TTC29: variants seen among roughly 807,000 people sequenced by gnomAD.
TTC29 encodes the protein tetratricopeptide repeat domain 29, also known as tetratricopeptide repeat protein 29.
A neutral mutation model predicts 58.1 loss-of-function variants in TTC29; 49 were observed. The observed-to-expected ratio is 0.84, with a 90% CI of 0.67 to 1.07. The LOEUF (loss-of-function observed/expected upper bound fraction) is 1.07, where lower values mean the gene tolerates loss of function less well. TTC29 is among the 50% of genes least tolerant of loss of function. The pLI, the probability that TTC29 is intolerant of heterozygous loss-of-function variation, is 0.00. For missense variants in TTC29, 582 were observed against 555.6 expected (o/e 1.05, Z -0.48); for synonymous variants, 209 against 196.8 (o/e 1.06, Z -0.52).
At chr4:146,799,891 G>A (rs1304462152) in intron 11 of TTC29, among the ~76,000 whole-genome samples, 2 of 152,174 alleles carry the variant, frequency 1.3e-5, no homozygotes, top group African/African-American at 4.8e-5. Flanking sequence ...CAAAAGGCCA[G>A]ATGAATGAGC....
intron 6 of TTC29, among the ~76,000 whole-genome samples, chr4:146,880,893 T>C (rs1731580519): frequency 6.6e-6 from 1 of 151,770 alleles, no homozygotes; most frequent in Non-Finnish European, 1.5e-5. Flanking sequence ...CATGATTGAG[T>C]GCATTAAAAT....
intron 2 of TTC29, among the ~76,000 whole-genome samples, 189 bp from the exon 3 acceptor site, chr4:146,940,090 T>G (rs1736232553): frequency 6.6e-6 from 1 of 152,200 alleles, no homozygotes; most frequent in Non-Finnish European, 1.5e-5. Context: ...ATTATTTTCT[T>G]CCATTGTCTG....
At chr4:146,726,145 G>A (rs543164539) in intron 11 of TTC29, among the ~76,000 whole-genome samples, 8 of 152,082 alleles carry the variant, frequency 5.3e-5, no homozygotes, top group African/African-American at 1.9e-4. Context: ...AAAATGTTTG[G>A]GATTACAGGT....
intron 9 of TTC29, chr4:146,831,619 G>T: frequency 2.7e-6 from 1 of 376,442 alleles, no homozygotes; most frequent in Non-Finnish European, 5.5e-6. Flanking sequence ...ACTTAAATAG[G>T]CAAATTAAAA....
chr4:146,753,691 T>C (rs1746202245), intron 11 of TTC29, among the ~76,000 whole-genome samples: 1 of 152,160 alleles, frequency 6.6e-6, no homozygotes, highest in Admixed American at 6.5e-5. Context: ...TAAGAAAATG[T>C]GGCACATATA....
chr4:146,763,907 T>C (rs1747096397), intron 11 of TTC29: 1 of 152,034 alleles, frequency 6.6e-6, no homozygotes, highest in South Asian at 2.1e-4. Flanking sequence ...CCACACAAGT[T>C]CTAAACTTTG....
chr4:146,753,473 C>A (rs1044128148), intron 11 of TTC29, among the ~76,000 whole-genome samples: 2 of 152,164 alleles, frequency 1.3e-5, no homozygotes, highest in African/African-American at 4.8e-5. Flanking sequence ...ACTAGTTCAA[C>A]CATTGTGGAA....
intron 4 of TTC29, among the ~76,000 whole-genome samples, chr4:146,926,463 T>G (rs1001181385): frequency 2.6e-5 from 4 of 151,278 alleles, no homozygotes; most frequent in Non-Finnish European, 5.9e-5. Context: ...AATACAAAGG[T>G]TTTTTTTTGT....
intron 11 of TTC29, among the ~76,000 whole-genome samples, chr4:146,790,904 C>T (rs908840989): frequency 6.6e-6 from 1 of 152,138 alleles, no homozygotes; most frequent in South Asian, 2.1e-4. Flanking sequence ...ATTTTCTGGA[C>T]ATTTTTTGTT....
At chr4:146,769,083 C>T (rs549462362) in intron 11 of TTC29, among the ~76,000 whole-genome samples, 2 of 152,092 alleles carry the variant, frequency 1.3e-5, no homozygotes, top group South Asian at 4.1e-4. Context: ...GCCTAACTTT[C>T]AGCGACAAAA....
At chr4:146,782,076 AT>A (rs1454028443) in intron 11 of TTC29, among the ~76,000 whole-genome samples, 1 of 151,896 alleles carries the variant, frequency 6.6e-6, no homozygotes, top group South Asian at 2.1e-4. Context: ...AAAACATGGC[AT>A]TTTTTGAGTC....
intron 6 of TTC29, among the ~76,000 whole-genome samples, chr4:146,876,580 A>G (rs760589308): frequency 5.3e-5 from 8 of 152,202 alleles, no homozygotes; most frequent in Non-Finnish European, 1.0e-4. Flanking sequence ...TAGAAATAAG[A>G]ATAGTATTCT....
chr4:146,868,695 A>G (rs1025064904), intron 7 of TTC29, among the ~76,000 whole-genome samples: 6 of 152,280 alleles, frequency 3.9e-5, no homozygotes, highest in Non-Finnish European at 8.8e-5. Context: ...ATTGGCTTCC[A>G]ATGTGACTAA....
rs773816759 is a variant in TTC29, at chr4:146,909,144, C to T, written c.282G>A (p.Leu94=). The change falls in exon 5 of 13, where the codon CTG becomes CTA. Residue 94 remains leucine (L), a synonymous_variant. Coordinates refer to ENST00000325106, the MANE Select transcript of TTC29 (RefSeq NM_031956.4). The part of the protein sequence containing the change: ...LFALMERWDA[L]REAARVRSLF... ...GGGACCTGACTCTCGCAGCCTCCCT[C>T]AGGGCATCCCACCGCTCCATCAGAG... The T allele has an allele frequency of 6.8e-6, 11 of 1,613,812 alleles. No individual in the cohort carries two copies. The highest frequency in any genetic ancestry group is 9.3e-6 in the Non-Finnish European group (11 of 1,179,850).
chr4:146,813,928 G>A (rs78727775), intron 10 of TTC29, among the ~76,000 whole-genome samples: 9,333 of 152,240 alleles, frequency 0.061, 391 homozygotes, highest in Admixed American at 0.13. Flanking sequence ...AGGTTGCAGT[G>A]AGCTGACACC....
At chr4:146,728,795 G>A (rs9997553) in intron 11 of TTC29, among the ~76,000 whole-genome samples, 19,651 of 111,230 alleles carry the variant, frequency 0.18, 2,604 homozygotes, top group African/African-American at 0.32. Flanking sequence ...GTATATATAC[G>A]TATATATACA....
At chr4:146,862,275 A>G (rs1730285110) in intron 8 of TTC29, among the ~76,000 whole-genome samples, 1 of 150,680 alleles carries the variant, frequency 6.6e-6, no homozygotes, top group Non-Finnish European at 1.5e-5. Flanking sequence ...ATATACATAT[A>G]CACACAAAAT....
At chr4:146,904,339 G>A (rs1431089255) in intron 5 of TTC29, among the ~76,000 whole-genome samples, 1 of 152,022 alleles carries the variant, frequency 6.6e-6, no homozygotes, top group Non-Finnish European at 1.5e-5. Context: ...AGACTTCTAC[G>A]CTTCTGTTTT....
chr4:146,794,409 T>G lies in TTC29; in HGVS notation c.1330+9048A>C, dbSNP rs961901813. 2.6e-5 allele frequency among the ~76,000 whole-genome samples: 4 copies of G among 152,146 alleles called. No individual in the cohort carries two copies. The South Asian group carries it at 8.3e-4, about 32-fold the overall frequency. Reference sequence around the variant, plus strand: ...TAGCTAAAGGATGAATGTGATAGCTTCCTCTTGCATAGTTTATTTCCCCTT... The same window carrying G: ...TAGCTAAAGGATGAATGTGATAGCTGCCTCTTGCATAGTTTATTTCCCCTT... On this transcript the variant is annotated intron_variant, in intron 11 of 12. Transcript: ENST00000325106.
Sources: gnomAD v4.1 joint callset for allele counts (sites outside exome capture counted in the v4.1 genomes callset) on GRCh38, gnomAD v4.1.1 for gene constraint, MANE v1.5 for transcripts, NCBI Gene and HGNC (gene_info 2026-07-23, HGNC 2026-07-21) for gene names.